MYLK4: variants seen among roughly 807,000 people sequenced by gnomAD.
The protein encoded by MYLK4 is caMLCK like.
MYLK4 carries 46 observed loss-of-function variants against 48.1 expected under a neutral mutation model. That is an observed-to-expected ratio of 0.96 (90% CI 0.75 to 1.22). The LOEUF is 1.22. MYLK4 is among the 50% of genes most tolerant of loss of function. The probability of loss-of-function intolerance (pLI) is 0.00; values close to 1 mark genes in which losing one functional copy is unlikely to be tolerated. For synonymous variants in MYLK4, 170 were observed against 180.8 expected (o/e 0.94, Z 0.48); for missense variants, 451 against 486.1 (o/e 0.93, Z 0.68).
intron 2 of MYLK4, among the ~76,000 whole-genome samples, chr6:2,713,319 A>G (rs980380387): frequency 1.3e-5 from 2 of 152,006 alleles, no homozygotes; most frequent in African/African-American, 4.8e-5. Flanking sequence ...GCCGTGAGCC[A>G]AGATCGATCG....
chr6:2,701,952 T>C (rs956683067), intron 2 of MYLK4, among the ~76,000 whole-genome samples: 1 of 152,202 alleles, frequency 6.6e-6, no homozygotes, highest in African/African-American at 2.4e-5. Context: ...ACATCTTGCC[T>C]CCATCCACAA....
intron 3 of MYLK4, 94 bp from the exon 4 acceptor site, chr6:2,689,050 T>C: frequency 1.1e-6 from 1 of 916,652 alleles, no homozygotes. Context: ...TGTGCTCATT[T>C]AATAATAAAA....
intron 4 of MYLK4, among the ~76,000 whole-genome samples, chr6:2,686,717 C>A (rs1352214753): frequency 1.3e-5 from 2 of 152,228 alleles, no homozygotes; most frequent in African/African-American, 4.8e-5. Flanking sequence ...TGGGGCTGCA[C>A]ACCCAGCACA....
At chr6:2,675,555 A>G (rs1192976046) in intron 10 of MYLK4, among the ~76,000 whole-genome samples, 2 of 152,208 alleles carry the variant, frequency 1.3e-5, no homozygotes, top group African/African-American at 2.4e-5. Flanking sequence ...AATATTACTA[A>G]CTTTTGAATT....
chr6:2,716,285 A>T (rs6913006), intron 2 of MYLK4, among the ~76,000 whole-genome samples: 129,768 of 152,210 alleles, frequency 0.85, 55,414 homozygotes, highest in Admixed American at 0.89. Flanking sequence ...ACCCCTTCAT[A>T]GGGTTTTCAC....
In MYLK4 at chr6:2,678,315, G is replaced by C. The variant is rs1404364485; in HGVS notation, c.945C>G (p.Ile315Met). The change falls in exon 10 of 13, where the codon ATC becomes ATG. Residue 315 changes from isoleucine (I) to methionine (M), a missense_variant. By Grantham distance (10) the Ile-to-Met change is conservative. Coordinates refer to ENST00000274643, the MANE Select transcript of MYLK4 (RefSeq NM_001012418.5). ...CCTCTAAGTCCCACCTGCAGGCCAG[G>C]ATGTTGTTCAGCGTCTCAGCATCAT... is the stretch of plus-strand genomic sequence containing the variant. ...GDNDAETLNN[I>M]LACRWDLEDE... 1 of 1,614,034 alleles carries C rather than the reference G, an allele frequency of 6.2e-7. No individual in the cohort carries two copies. Among genetic ancestry groups the C allele is most frequent in the Non-Finnish European group, 8.5e-7 (1 of 1,180,018 alleles).
chr6:2,731,295 T>TGACAAGAGG (rs1298308038), intron 2 of MYLK4, among the ~76,000 whole-genome samples: 1 of 152,124 alleles, frequency 6.6e-6, no homozygotes, highest in Non-Finnish European at 1.5e-5. Context: ...AAATGGGAAC[T>TGACAAGAGG]GACAAGAGGA....
chr6:2,737,571 G>C (rs1181334684), intron 2 of MYLK4, among the ~76,000 whole-genome samples: 2 of 152,180 alleles, frequency 1.3e-5, no homozygotes, highest in Non-Finnish European at 2.9e-5. Flanking sequence ...AGAGATGTAA[G>C]ATACATTTCA....
At chr6:2,674,036 T>C (rs1374767723) in intron 11 of MYLK4, among the ~76,000 whole-genome samples, 2 of 152,018 alleles carry the variant, frequency 1.3e-5, no homozygotes, top group African/African-American at 2.4e-5. Flanking sequence ...ATGAGATTAG[T>C]TTAGGGATGG....
At chr6:2,708,351 T>G (rs1323971438) in intron 2 of MYLK4, among the ~76,000 whole-genome samples, 2 of 152,196 alleles carry the variant, frequency 1.3e-5, no homozygotes, top group Non-Finnish European at 2.9e-5. Flanking sequence ...TTGGGAATGA[T>G]TTTTCAGAGA....
At chr6:2,711,450 AT>A (rs1354849369) in intron 2 of MYLK4, among the ~76,000 whole-genome samples, 20 of 152,308 alleles carry the variant, frequency 1.3e-4, no homozygotes, top group Non-Finnish European at 2.5e-4. Flanking sequence ...TGTTCTAAAT[AT>A]TCTTAGATTC....
chr6:2,726,853 T>C (rs1763296954), intron 2 of MYLK4, among the ~76,000 whole-genome samples: 1 of 152,154 alleles, frequency 6.6e-6, no homozygotes, highest in African/African-American at 2.4e-5. Flanking sequence ...CCTCAGGTGA[T>C]CCACCACCTC....
At chr6:2,684,955 C>T (rs1206376505) in intron 6 of MYLK4, among the ~76,000 whole-genome samples, 1 of 151,976 alleles carries the variant, frequency 6.6e-6, no homozygotes, top group Non-Finnish European at 1.5e-5. Flanking sequence ...TTGACATGAC[C>T]TTTGTATTAG....
intron 2 of MYLK4, among the ~76,000 whole-genome samples, chr6:2,742,955 A>G (rs184058636): frequency 7.0e-4 from 106 of 152,220 alleles, no homozygotes; most frequent in African/African-American, 2.6e-3. Context: ...AACTGCATGC[A>G]TTGTCAATGG....
chr6:2,769,012 T>G, the MYLK4 span: 2 of 831,166 alleles, frequency 2.4e-6, no homozygotes, highest in South Asian at 4.7e-5. Context: ...TGAACCCATC[T>G]CCTTCAAGCC....
chr6:2,759,016 C>T, the MYLK4 span, among the ~76,000 whole-genome samples: 3 of 152,204 alleles, frequency 2.0e-5, no homozygotes, highest in Admixed American at 2.0e-4. Context: ...TGCTCTATAG[C>T]TTTAAAAACA....
chr6:2,698,763 G>A (rs1051506818), intron 2 of MYLK4, among the ~76,000 whole-genome samples: 2 of 152,210 alleles, frequency 1.3e-5, no homozygotes, highest in African/African-American at 4.8e-5. Flanking sequence ...GAGATTGTTT[G>A]TAAAGCAAAT....
At chr6:2,769,983 G>C in the MYLK4 span, 1 of 1,261,564 alleles carries the variant, frequency 7.9e-7, no homozygotes. Flanking sequence ...TATATTCAGT[G>C]AATATAAGGC....
At chr6:2,745,046 G>A (rs529382676) in intron 2 of MYLK4, among the ~76,000 whole-genome samples, 2 of 152,280 alleles carry the variant, frequency 1.3e-5, no homozygotes, top group East Asian at 1.9e-4. Context: ...CAGGCAGGTG[G>A]GGAAAACCAA....
Sources: allele counts gnomAD v4.1 joint callset (sites outside exome capture counted in the v4.1 genomes callset), GRCh38; gene constraint gnomAD v4.1.1; transcripts MANE v1.5; gene names NCBI Gene and HGNC (gene_info 2026-07-23, HGNC 2026-07-21).